Variants in FRAS1 observed in about 807,000 individuals in gnomAD.
FRAS1 encodes the protein extracellular matrix organizing protein FRAS1.
Under a neutral mutation model 435.2 loss-of-function variants are expected in FRAS1, and 290 were observed. The ratio of observed to expected loss-of-function variants is 0.67; its 90% confidence interval spans 0.61 to 0.73. The LOEUF (loss-of-function observed/expected upper bound fraction) is 0.73, where lower values mean the gene tolerates loss of function less well. Among genes scored for constraint, FRAS1 ranks in the 30% least tolerant of loss-of-function variants. The pLI is 0.00. For synonymous variants in FRAS1, 1,800 were observed against 1,851.0 expected (o/e 0.97, Z 0.71); for missense variants, 4,860 against 5,001.5 (o/e 0.97, Z 0.85).
At chr4:78,408,480 T>C (rs1733190374) in intron 31 of FRAS1, among the ~76,000 whole-genome samples, 1 of 152,112 alleles carries the variant, frequency 6.6e-6, no homozygotes, top group South Asian at 2.1e-4. Flanking sequence ...ATAAAAATAC[T>C]ATATGGAGAA....
At chr4:78,388,294 C>T (rs1002969207) in intron 29 of FRAS1, among the ~76,000 whole-genome samples, 1 of 144,674 alleles carries the variant, frequency 6.9e-6, no homozygotes, top group Non-Finnish European at 1.5e-5. Context: ...CACTGCACTC[C>T]AGCCTGGGTG....
At chr4:78,390,536 T>C (rs1393015846) in intron 29 of FRAS1, among the ~76,000 whole-genome samples, 1 of 152,210 alleles carries the variant, frequency 6.6e-6, no homozygotes, top group Non-Finnish European at 1.5e-5. Flanking sequence ...TATATATTCT[T>C]ATCCCCTTGA....
intron 4 of FRAS1, among the ~76,000 whole-genome samples, chr4:78,247,388 T>A (rs1725291945): frequency 6.6e-6 from 1 of 152,188 alleles, no homozygotes; most frequent in Non-Finnish European, 1.5e-5. Context: ...AAAACTATAG[T>A]TTTTTGGGGA....
chr4:78,308,655 A>G (rs1383024549), intron 15 of FRAS1, among the ~76,000 whole-genome samples: 2 of 152,250 alleles, frequency 1.3e-5, no homozygotes, highest in Admixed American at 6.5e-5. Context: ...AAAGCTGAGC[A>G]GTTATTATCC....
At chr4:78,338,727 G>C in intron 20 of FRAS1, among the ~76,000 whole-genome samples, 1 of 152,170 alleles carries the variant, frequency 6.6e-6, no homozygotes, top group East Asian at 1.9e-4. Context: ...CAGTTGTCTA[G>C]ATCACAGTAT....
At chr4:78,139,890 T>C (rs561737443) in intron 2 of FRAS1, among the ~76,000 whole-genome samples, 18 of 152,332 alleles carry the variant, frequency 1.2e-4, no homozygotes, top group African/African-American at 4.1e-4. Flanking sequence ...ATTGGTGAAC[T>C]ATATTGTTAT....
intron 6 of FRAS1, among the ~76,000 whole-genome samples, chr4:78,260,337 A>AT (rs548538293): frequency 2.1e-4 from 32 of 152,124 alleles, no homozygotes; most frequent in Non-Finnish European, 3.4e-4. Context: ...ACCCATGAGC[A>AT]TGGAATGTTC....
Position 78,418,973 on chromosome 4 carries a change from A to G in FRAS1, c.4450A>G (p.Ile1484Val), listed in dbSNP as rs1733657014. 3 of 1,604,374 alleles carry G rather than the reference A, an allele frequency of 1.9e-6. No individual in the cohort carries two copies. The South Asian group carries it at 3.4e-5, about 18-fold the overall frequency. ...MTAREDGLTV[I>V]QPHSLSFINS... ...GGCTAGAGAAGATGGCCTGACTGTT[A>G]TTCAGCCTCATTCCCTCTCCTTCAT... The change falls in exon 33 of 74, where the codon ATT becomes GTT. Residue 1484 changes from isoleucine (I) to valine (V), a missense_variant. Coordinates refer to ENST00000512123, the MANE Select transcript of FRAS1 (RefSeq NM_025074.7).
chr4:78,445,871 T>C (rs1296579933), intron 42 of FRAS1, 159 bp downstream of exon 42: 2 of 1,361,476 alleles, frequency 1.5e-6, no homozygotes, highest in Non-Finnish European at 1.9e-6. Flanking sequence ...TCTTGTAGAA[T>C]TAAGGTTGGC....
intron 2 of FRAS1, among the ~76,000 whole-genome samples, chr4:78,219,741 T>G (rs1039153730): frequency 1.3e-5 from 2 of 152,330 alleles, no homozygotes; most frequent in South Asian, 4.1e-4. Context: ...AATTTGGAAC[T>G]TAACATTTTG....
intron 2 of FRAS1, among the ~76,000 whole-genome samples, chr4:78,123,302 T>C (rs77664273): frequency 1.3e-5 from 2 of 152,180 alleles, no homozygotes; most frequent in Admixed American, 6.5e-5. Context: ...TGTGGTGTTA[T>C]TTCTGAGGCC....
chr4:78,199,073 G>A (rs1234384424), intron 2 of FRAS1, among the ~76,000 whole-genome samples: 1 of 152,170 alleles, frequency 6.6e-6, no homozygotes, highest in Non-Finnish European at 1.5e-5. Flanking sequence ...AGGGTCAAAT[G>A]TGTATTGAAA....
intron 2 of FRAS1, among the ~76,000 whole-genome samples, chr4:78,175,838 A>C (rs1449345109): frequency 6.6e-6 from 1 of 152,142 alleles, no homozygotes; most frequent in East Asian, 1.9e-4. Context: ...TCCTTCTGGA[A>C]GCCTGCTGAC....
chr4:78,342,791 T>C (rs1730442596), intron 20 of FRAS1, among the ~76,000 whole-genome samples: 1 of 152,178 alleles, frequency 6.6e-6, no homozygotes, highest in African/African-American at 2.4e-5. Context: ...TGAGTTCTTA[T>C]GTAGAAAGAA....
chr4:78,469,619 G>A (rs1240367903), intron 50 of FRAS1, among the ~76,000 whole-genome samples: 2 of 130,790 alleles, frequency 1.5e-5, no homozygotes, highest in East Asian at 4.5e-4. Flanking sequence ...TTTATTGAAA[G>A]GAAAAGTACT....
intron 53 of FRAS1, among the ~76,000 whole-genome samples, chr4:78,474,359 T>C (rs1380468262): frequency 3.3e-5 from 5 of 152,180 alleles, no homozygotes; most frequent in Non-Finnish European, 5.9e-5. Context: ...TAAGTCTACA[T>C]TTCAGAGACT....
At chr4:78,089,473 C>G (rs1741388825) in intron 2 of FRAS1, among the ~76,000 whole-genome samples, 1 of 151,952 alleles carries the variant, frequency 6.6e-6, no homozygotes, top group Non-Finnish European at 1.5e-5. Flanking sequence ...AGAAATGTCA[C>G]AGATTGGCAG....
At chr4:78,423,760 A>G (rs1733891982) in intron 34 of FRAS1, among the ~76,000 whole-genome samples, 1 of 152,154 alleles carries the variant, frequency 6.6e-6, no homozygotes, top group South Asian at 2.1e-4. Flanking sequence ...TAACTGGATA[A>G]CTAATAGCCC....
chr4:78,135,571 T>C (rs1295584766), intron 2 of FRAS1, among the ~76,000 whole-genome samples: 2 of 152,338 alleles, frequency 1.3e-5, no homozygotes, highest in East Asian at 3.9e-4. Flanking sequence ...CATTCCTAAA[T>C]GGGTTCACTC....
Sources: gnomAD v4.1 joint callset for allele counts (sites outside exome capture counted in the v4.1 genomes callset) on GRCh38, gnomAD v4.1.1 for gene constraint, MANE v1.5 for transcripts, NCBI Gene and HGNC (gene_info 2026-07-23, HGNC 2026-07-21) for gene names.